Variants in ADSS2 observed in about 807,000 individuals in gnomAD.
The protein encoded by ADSS2 is adenylosuccinate synthetase isozyme 2.
Under a neutral mutation model 60.0 loss-of-function variants are expected in ADSS2, and 30 were observed. That is an observed-to-expected ratio of 0.50 (90% CI 0.37 to 0.68). ADSS2 has a LOEUF of 0.68. Among genes scored for constraint, ADSS2 ranks in the 30% least tolerant of loss-of-function variants. The pLI is 0.00. For missense variants in ADSS2, 373 were observed against 554.8 expected, an observed-to-expected ratio of 0.67 and a Z score of 3.29; for synonymous variants, 187 against 193.1, an observed-to-expected ratio of 0.97 and a Z score of 0.26.
chr1:244,416,563 T>C (rs548751106), intron 10 of ADSS2, among the ~76,000 whole-genome samples: 1 of 152,252 alleles, frequency 6.6e-6, no homozygotes, highest in South Asian at 2.1e-4. Context: ...CAAGTGATCC[T>C]CCTGCCTCTC....
intron 4 of ADSS2, among the ~76,000 whole-genome samples, chr1:244,430,924 C>T (rs117569291): frequency 6.6e-6 from 1 of 152,130 alleles, no homozygotes; most frequent in African/African-American, 2.4e-5. Context: ...GAGTTCAAGA[C>T]CAGCCTGACC....
chr1:244,436,825 C>T lies in ADSS2; in HGVS notation c.355G>A (p.Gly119Arg), dbSNP rs573116941. The change falls in exon 3 of 13, where the codon GGA becomes AGA. Residue 119 changes from glycine to arginine, a missense_variant and splice_region_variant. Transcript: ENST00000366535. ...EAEKNVQKGK[G>R]LEGWEKRLII... ...ACCAAGTAGACTCATTCTTTCATAC[C>T]TTTTCCTTTTTGAACATTTTTCTCT... is the stretch of plus-strand genomic sequence containing the variant. The T allele has an allele frequency of 7.5e-6, 12 of 1,608,990 alleles. No individual in the cohort carries two copies. Among genetic ancestry groups the T allele is most frequent in the Non-Finnish European group, 1.0e-5 (12 of 1,176,558 alleles).
At chr1:244,426,874 C>T (rs1262254492) in intron 4 of ADSS2, among the ~76,000 whole-genome samples, 3 of 152,154 alleles carry the variant, frequency 2.0e-5, no homozygotes, top group East Asian at 1.9e-4. Context: ...CATGCTACAT[C>T]GATTACATAT....
intron 11 of ADSS2, among the ~76,000 whole-genome samples, chr1:244,414,195 T>G (rs1319856327): frequency 6.6e-6 from 1 of 151,584 alleles, no homozygotes; most frequent in Non-Finnish European, 1.5e-5. Flanking sequence ...TGTCAACCAA[T>G]GACTATCAAT....
intron 8 of ADSS2, among the ~76,000 whole-genome samples, chr1:244,419,554 G>C (rs964133017): frequency 1.3e-5 from 2 of 152,124 alleles, no homozygotes; most frequent in African/African-American, 2.4e-5. Context: ...TTCTTTAATA[G>C]TTTACTTGGA....
chr1:244,450,440 G>A (rs987275683), intron 1 of ADSS2, among the ~76,000 whole-genome samples: 3 of 152,312 alleles, frequency 2.0e-5, no homozygotes, highest in Admixed American at 2.0e-4. Context: ...GTAAATCAGA[G>A]AATATTTGCA....
Position 244,409,472 on chromosome 1 carries a change from G to T in ADSS2, c.*114C>A, listed in dbSNP as rs369919965. 49 of 781,816 alleles carry T rather than the reference G, an allele frequency of 6.3e-5. 1 individual carries two copies. In the East Asian group the frequency reaches 7.2e-4, roughly 12 times the overall value. 48.4% of individuals were successfully genotyped at this position (781,816 alleles called of 1,614,324 possible). On this transcript the variant is annotated 3_prime_UTR_variant, in exon 13 of 13. Transcript: ENST00000366535. ...TGAAAAGACTGGAAACAACTGTAGG[G>T]CTTCAAACTTACTTCAGTGTCTTTA...
intron 12 of ADSS2, among the ~76,000 whole-genome samples, chr1:244,410,628 C>A (rs574131101): frequency 6.6e-6 from 1 of 152,028 alleles, no homozygotes; most frequent in South Asian, 2.1e-4. Context: ...CCATTTTTAA[C>A]CCCCCAAAAA....
rs1346672607 is a variant in ADSS2, at chr1:244,451,678, A to T, written c.140T>A (p.Val47Glu). ...QWGDEGKGKV[V>E]DLLAQDADIV... Reference sequence around the variant, plus strand: ...GTCGGCGTCCTGCGCCAGCAGGTCCACCACCTTCCCTTTGCCTTCGTCGCC... The same window carrying T: ...GTCGGCGTCCTGCGCCAGCAGGTCCTCCACCTTCCCTTTGCCTTCGTCGCC... The change falls in exon 1 of 13, where the codon GTG becomes GAG. Residue 47 changes from valine (V) to glutamate (E), a missense_variant. By Grantham distance (121) the Val-to-Glu change is moderately radical. Around this residue, in one of 5 missense-constraint regions of ADSS2, gnomAD observed 29 missense variants for 73.3 expected, o/e 0.40. Transcript: ENST00000366535. This position sits in a 1 kb window ranked among gnomAD's most constrained non-coding sequence, Gnocchi z 6.6. The T allele has an allele frequency of 6.2e-7, 1 of 1,612,226 alleles. No individual in the cohort carries two copies. Among genetic ancestry groups the T allele is most frequent in the Non-Finnish European group, 8.5e-7 (1 of 1,179,172 alleles).
chr1:244,410,807 T>A (rs1432571620), intron 12 of ADSS2, among the ~76,000 whole-genome samples: 3 of 152,210 alleles, frequency 2.0e-5, no homozygotes, highest in Non-Finnish European at 4.4e-5. Flanking sequence ...GAGCATCGTA[T>A]TTACTTTAAG....
At chr1:244,416,600 G>A (rs1245506726) in intron 10 of ADSS2, among the ~76,000 whole-genome samples, 2 of 152,148 alleles carry the variant, frequency 1.3e-5, no homozygotes, top group Non-Finnish European at 2.9e-5. Context: ...GGGATTATAC[G>A]CATGAGCCAC....
intron 4 of ADSS2, among the ~76,000 whole-genome samples, chr1:244,427,086 A>C (rs1430012561): frequency 6.6e-6 from 1 of 152,180 alleles, no homozygotes. Flanking sequence ...ACCACTTCTC[A>C]GGCCATTTTC....
At chr1:244,439,471 G>A (rs967221234) in intron 1 of ADSS2, among the ~76,000 whole-genome samples, 8 of 152,106 alleles carry the variant, frequency 5.3e-5, no homozygotes, top group African/African-American at 7.2e-5. Flanking sequence ...GGCCTGTGAC[G>A]GGGAACTCAG....
At chr1:244,415,077 C>A (rs6699617) in intron 11 of ADSS2, among the ~76,000 whole-genome samples, 67,596 of 152,096 alleles carry the variant, frequency 0.44, 15,857 homozygotes, top group Non-Finnish European at 0.51. Flanking sequence ...ATGAAATGGA[C>A]AAGTTTTATG....
intron 7 of ADSS2, 36 bp from the exon 8 acceptor site, chr1:244,420,332 C>A (rs1295081361): frequency 6.4e-7 from 1 of 1,551,844 alleles, no homozygotes; most frequent in East Asian, 2.3e-5. Context: ...TCCATGTATA[C>A]TAATAAACGT....
chr1:244,446,342 G>GT (rs1665383823), intron 1 of ADSS2, among the ~76,000 whole-genome samples: 1 of 152,166 alleles, frequency 6.6e-6, no homozygotes, highest in Admixed American at 6.5e-5. Context: ...TGATTCCAAA[G>GT]TAGAGCAGGT....
At chr1:244,412,549 C>T (rs1245255019) in intron 11 of ADSS2, among the ~76,000 whole-genome samples, 1 of 152,200 alleles carries the variant, frequency 6.6e-6, no homozygotes, top group East Asian at 1.9e-4. Flanking sequence ...AACTGGATGG[C>T]TTTTGATGAA....
intron 10 of ADSS2, among the ~76,000 whole-genome samples, 198 bp from the exon 11 acceptor site, chr1:244,416,276 T>C (rs1282999639): frequency 1.3e-5 from 2 of 152,228 alleles, no homozygotes; most frequent in Non-Finnish European, 2.9e-5. Context: ...GTTACTTTGC[T>C]AGTAATTGTA....
chr1:244,450,040 C>G (rs1665494495), intron 1 of ADSS2, among the ~76,000 whole-genome samples: 1 of 152,180 alleles, frequency 6.6e-6, no homozygotes, highest in African/African-American at 2.4e-5. Context: ...TGTAGCTCAA[C>G]CTGAGCTATT....
Sources: allele counts gnomAD v4.1 joint callset (sites outside exome capture counted in the v4.1 genomes callset), GRCh38; gene constraint gnomAD v4.1.1; regional missense constraint gnomAD v4.1.1; non-coding constraint Gnocchi (gnomAD v3.1); transcripts MANE v1.5; gene names NCBI Gene and HGNC (gene_info 2026-07-23, HGNC 2026-07-21).